The following SLC25A31 variants were observed in gnomAD, a reference collection of about 807,000 sequenced individuals.
SLC25A31 encodes the protein solute carrier family 25 member 31, also known as ADP/ATP translocase 4.
SLC25A31 carries 40 observed loss-of-function variants against 36.2 expected under a neutral mutation model. The observed-to-expected ratio is 1.10, with a 90% CI of 0.86 to 1.44. The LOEUF is 1.44. Among genes scored for constraint, SLC25A31 ranks in the 40% most tolerant of loss-of-function variants. The probability of loss-of-function intolerance (pLI) is 0.00; values close to 1 mark genes in which losing one functional copy is unlikely to be tolerated. For missense variants in SLC25A31, 350 were observed against 397.1 expected, an observed-to-expected ratio of 0.88 and a Z score of 1.01; for synonymous variants, 143 against 149.7, an observed-to-expected ratio of 0.96 and a Z score of 0.32.
intron 1 of SLC25A31, among the ~76,000 whole-genome samples, chr4:127,740,651 G>A (rs1340786465): frequency 6.6e-6 from 1 of 152,158 alleles, no homozygotes; most frequent in Non-Finnish European, 1.5e-5. Context: ...CAGGAAGGAT[G>A]GGGCAGCTCA....
chr4:127,736,621 C>T (rs1192231140), intron 1 of SLC25A31, among the ~76,000 whole-genome samples: 1 of 152,214 alleles, frequency 6.6e-6, no homozygotes, highest in Non-Finnish European at 1.5e-5. Flanking sequence ...CTCAGCCTTT[C>T]CTATATCTTG....
intron 1 of SLC25A31, among the ~76,000 whole-genome samples, chr4:127,733,559 A>G (rs890325772): frequency 6.6e-6 from 1 of 152,240 alleles, no homozygotes; most frequent in Non-Finnish European, 1.5e-5. Context: ...TCAAAATGTC[A>G]ATATGCAGTT....
chr4:127,736,168 C>A (rs530924318), intron 1 of SLC25A31, among the ~76,000 whole-genome samples: 1 of 152,056 alleles, frequency 6.6e-6, no homozygotes, highest in South Asian at 2.1e-4. Flanking sequence ...GGATTACAGG[C>A]GTGAATGCCT....
In SLC25A31 at chr4:127,770,949, C is replaced by CTTTT. The variant is rs558206857; in HGVS notation, c.759+2093_759+2096dup. Among the ~76,000 whole-genome samples, 221 of 80,750 alleles carry CTTTT rather than the reference C, an allele frequency of 2.7e-3. 1 individual carries two copies. The highest frequency in any genetic ancestry group is 9.8e-3 in the African/African-American group (172 of 17,492). 53.0% of individuals were successfully genotyped at this position (80,750 alleles called of 152,430 possible). A position where few individuals can be genotyped will look rare whatever the true frequency, so the allele number is the denominator to read the frequency against. On this transcript the variant is annotated intron_variant, in intron 5 of 5. Transcript: ENST00000281154. ...GGGTTCCTCCTCTGTTCTTCTTCTT[C>CTTTT]TTTTTTTTTTTTTTTTTTTTTTTTG...
chr4:127,752,293 A>G (rs1233793191), intron 2 of SLC25A31, among the ~76,000 whole-genome samples: 1 of 152,108 alleles, frequency 6.6e-6, no homozygotes, highest in East Asian at 1.9e-4. Flanking sequence ...GCTGGAAACC[A>G]TCATTCTCAG....
chr4:127,755,168 G>C (rs1732006285), intron 2 of SLC25A31, among the ~76,000 whole-genome samples: 2 of 152,100 alleles, frequency 1.3e-5, no homozygotes. Context: ...TTAAATATGA[G>C]ACCTGAAACA....
At chr4:127,770,949 C>CTTTTTTTT (rs558206857) in intron 5 of SLC25A31, among the ~76,000 whole-genome samples, 13 of 80,820 alleles carry the variant, frequency 1.6e-4, no homozygotes, top group South Asian at 4.2e-4. Flanking sequence ...TCTTCTTCTT[C>CTTTTTTTT]TTTTTTTTTT....
intron 3 of SLC25A31, among the ~76,000 whole-genome samples, chr4:127,766,091 AT>A (rs1259724785): frequency 6.6e-6 from 1 of 151,828 alleles, no homozygotes; most frequent in Non-Finnish European, 1.5e-5. Context: ...ATCTTAAACT[AT>A]CCTTACTAGT....
chr4:127,730,704 G>A lies in SLC25A31; in HGVS notation c.159G>A (p.Ser53=), dbSNP rs1560628584. ...RVKLLLQVQA[S]SKQISPEARY... ...AGCTGCTGCTGCAGGTGCAGGCGTC[G>A]TCGAAGCAGATCAGCCCCGAGGCGC... The change falls in exon 1 of 6, where the codon TCG becomes TCA. Residue 53 remains serine (S), a synonymous_variant. Coordinates refer to ENST00000281154, the MANE Select transcript of SLC25A31 (RefSeq NM_031291.4). The A allele has an allele frequency of 6.2e-7, 1 of 1,613,906 alleles. No homozygotes were observed. The highest frequency in any genetic ancestry group is 8.5e-7 in the Non-Finnish European group (1 of 1,179,946).
chr4:127,742,057 ATCT>A (rs927207877), intron 1 of SLC25A31, among the ~76,000 whole-genome samples: 2 of 151,646 alleles, frequency 1.3e-5, no homozygotes, highest in African/African-American at 4.9e-5. Flanking sequence ...AATTTTGTTT[ATCT>A]TCTTCTAATA....
rs541610136 is a variant in SLC25A31, at chr4:127,773,701, A to G, written c.*127A>G. ...TGTTAAAGTGCTAGTTCTGCAATAA[A>G]GCATACATTTTTTCAAGAATTTAAA... On this transcript the variant is annotated 3_prime_UTR_variant, in exon 6 of 6. Coordinates refer to ENST00000281154, the MANE Select transcript of SLC25A31 (RefSeq NM_031291.4). The G allele has an allele frequency of 1.6e-5, 11 of 687,654 alleles. No individual in the cohort carries two copies. In the African/African-American group the frequency reaches 2.0e-4, roughly 13 times the overall value. 42.6% of individuals were successfully genotyped at this position (687,654 alleles called of 1,614,324 possible). A position where few individuals can be genotyped will look rare whatever the true frequency, so the allele number is the denominator to read the frequency against.
At chr4:127,732,874 A>G (rs771420361) in intron 1 of SLC25A31, among the ~76,000 whole-genome samples, 3 of 152,174 alleles carry the variant, frequency 2.0e-5, no homozygotes, top group Admixed American at 6.5e-5. Context: ...TTTATTTAGC[A>G]CAAAGATAGA....
In SLC25A31 at chr4:127,730,450, G is replaced by C. The variant is rs532564183; in HGVS notation, c.-96G>C. On this transcript the variant is annotated 5_prime_UTR_variant, in exon 1 of 6. Coordinates refer to ENST00000281154, the MANE Select transcript of SLC25A31 (RefSeq NM_031291.4). ...CCAAGAGCCACTTTCTCGCCAGTAC[G>C]ATGCTGCAGCGGTTTTCCGGTTTTC... The C allele has an allele frequency of 3.3e-5, 43 of 1,311,924 alleles. 1 individual carries two copies. The Admixed American group carries it at 5.9e-4, about 18-fold the overall frequency. The allele number at this position is 1,311,924 out of a possible 1,614,324, so 81.3% of individuals were successfully genotyped here.
chr4:127,771,488 G>A (rs527736759), intron 5 of SLC25A31, among the ~76,000 whole-genome samples: 20 of 152,194 alleles, frequency 1.3e-4, no homozygotes, highest in African/African-American at 4.6e-4. Flanking sequence ...TTACAAACAC[G>A]AATGTGTATG....
chr4:127,761,740 C>T (rs998508077), intron 2 of SLC25A31, among the ~76,000 whole-genome samples: 2 of 152,196 alleles, frequency 1.3e-5, no homozygotes, highest in Admixed American at 6.5e-5. Context: ...AATATATGTT[C>T]ATACATGTGT....
intron 1 of SLC25A31, among the ~76,000 whole-genome samples, chr4:127,734,760 G>A (rs1320167702): frequency 6.6e-6 from 1 of 151,580 alleles, no homozygotes; most frequent in Non-Finnish European, 1.5e-5. Flanking sequence ...TTGGGGTATG[G>A]GAAGAAAATA....
chr4:127,734,362 C>T (rs746336928), intron 1 of SLC25A31, among the ~76,000 whole-genome samples: 24 of 151,998 alleles, frequency 1.6e-4, no homozygotes, highest in Non-Finnish European at 3.2e-4. Context: ...GAGTTCAAGA[C>T]CAGCCTGGCC....
In SLC25A31 at chr4:127,750,986, C is replaced by A. The variant is rs559447821; in HGVS notation, c.360+6187C>A. On this transcript the variant is annotated intron_variant, in intron 2 of 5. Transcript: ENST00000281154. ...TTAAAAAGACTCAACAGTCAGTTGC[C>A]TATAAGAGGCTTACTTTAGCCTTAA... Among the ~76,000 whole-genome samples, 4 of 152,184 alleles carry A rather than the reference C, an allele frequency of 2.6e-5. No homozygotes were observed. The East Asian group carries it at 7.7e-4, about 29-fold the overall frequency.
chr4:127,762,984 A>G lies in SLC25A31; in HGVS notation c.361-1259A>G, dbSNP rs142209843. 5.3e-3 allele frequency among the ~76,000 whole-genome samples: 804 copies of G among 152,124 alleles called. 6 individuals carry two copies. Among genetic ancestry groups the G allele is most frequent in the Middle Eastern group, 0.02 (6 of 294 alleles). ...TATAAATGTACACAAATAATTATAA[A>G]TTGAAAGTAGAAAATGGTTGTAAGT... On this transcript the variant is annotated intron_variant, in intron 2 of 5. Coordinates refer to ENST00000281154, the MANE Select transcript of SLC25A31 (RefSeq NM_031291.4).
Sources: allele counts gnomAD v4.1 joint callset (sites outside exome capture counted in the v4.1 genomes callset), GRCh38; gene constraint gnomAD v4.1.1; transcripts MANE v1.5; gene names NCBI Gene and HGNC (gene_info 2026-07-23, HGNC 2026-07-21).